The following LRRC51 variants were observed in gnomAD, a reference collection of about 807,000 sequenced individuals.
LRRC51 encodes leucine-rich repeat-containing protein 51.
In LRRC51, 8 loss-of-function variants were observed where a neutral mutation model predicts 17.8. The ratio of observed to expected loss-of-function variants is 0.45; its 90% CI spans 0.26 to 0.81. The LOEUF is 0.81. Ranked by LOEUF, LRRC51 falls within the 30% of genes least tolerant of loss-of-function variation. The pLI is 0.17. For missense variants in LRRC51, 233 were observed against 239.3 expected (o/e 0.97, Z 0.17); for synonymous variants, 92 against 96.0 (o/e 0.96, Z 0.24).
At chr11:72,086,998 G>T (rs1260749605) in intron 1 of LRRC51, among the ~76,000 whole-genome samples, 1 of 152,124 alleles carries the variant, frequency 6.6e-6, no homozygotes, top group African/African-American at 2.4e-5. Flanking sequence ...TGTGTTCTTT[G>T]TTGTCTGCCT....
intron 4 of LRRC51, 134 bp from the exon 5 acceptor site, chr11:72,094,814 G>A (rs1361914751): frequency 1.3e-6 from 2 of 1,524,578 alleles, no homozygotes; most frequent in South Asian, 2.2e-5. Flanking sequence ...CAGTCATACA[G>A]TATGGCTGTG....
In LRRC51 at chr11:72,089,440, CT is replaced by C. The variant is rs1039053729; in HGVS notation, c.82+276del. 27 of 1,371,454 alleles carry C rather than the reference CT, an allele frequency of 2.0e-5. 2 individuals are homozygous for C. Among genetic ancestry groups the C allele is most frequent in the Non-Finnish European group, 2.9e-6 (3 of 1,044,928 alleles). The allele number at this position is 1,371,454 out of a possible 1,614,324, so 85.0% of individuals were successfully genotyped here. A position where few individuals can be genotyped will look rare whatever the true frequency, so the allele number is the denominator to read the frequency against. ...AGCAAATCTGAAAGGAAACAGGGGG[CT>C]ATCACAGTAGTTGATCATCTTTAAA... On this transcript the variant is annotated intron_variant, in intron 3 of 5. Coordinates refer to ENST00000289488, the MANE Select transcript of LRRC51 (RefSeq NM_145309.6).
intron 3 of LRRC51, 51 bp from the exon 4 acceptor site, chr11:72,093,445 C>A: frequency 1.9e-6 from 3 of 1,546,826 alleles, no homozygotes; most frequent in Middle Eastern, 2.2e-4. Context: ...TTCCCACCCC[C>A]TAAAGCCAAA....
chr11:72,094,447 A>C, intron 4 of LRRC51: 1 of 537,718 alleles, frequency 1.9e-6, no homozygotes, highest in South Asian at 2.2e-5. Context: ...CTTTCTGTGA[A>C]CTCAGATTCA....
intron 1 of LRRC51, among the ~76,000 whole-genome samples, chr11:72,082,295 G>A (rs1051247873): frequency 1.3e-5 from 2 of 152,192 alleles, no homozygotes; most frequent in Admixed American, 1.3e-4. Context: ...TTTCTAGCTG[G>A]TGACTAGCTG....
chr11:72,089,952 G>T (rs1282687895), intron 3 of LRRC51, among the ~76,000 whole-genome samples: 1 of 152,212 alleles, frequency 6.6e-6, no homozygotes, highest in Non-Finnish European at 1.5e-5. Context: ...TTTCATTAAA[G>T]CATCAGTCCA....
rs757127630 is a variant in LRRC51 at position 72,089,059 on chromosome 11, G to T, written c.-25G>T. 6.2e-7 allele frequency: 1 copy of T among 1,613,002 alleles called. No individual in the cohort carries two copies. Among genetic ancestry groups the T allele is most frequent in the East Asian group, 2.2e-5 (1 of 44,868 alleles). On this transcript the variant is annotated 5_prime_UTR_variant, in exon 3 of 6. Transcript: ENST00000289488. The stretch of plus-strand genomic sequence containing the variant: ...ACCCAGACTCCCAGGGCACCTGCTT[G>T]CACCTTTGAATGATGGCCTGAACTA...
chr11:72,088,287 T>C lies in LRRC51; in HGVS notation c.-139-10T>C, dbSNP rs190809722. 120 of 692,582 alleles carry C rather than the reference T, an allele frequency of 1.7e-4. No homozygotes were observed. In the East Asian group the frequency reaches 2.9e-3, roughly 17 times the overall value. The allele number at this position is 692,582 out of a possible 1,614,324, so 42.9% of individuals were successfully genotyped here. A position where few individuals can be genotyped will look rare whatever the true frequency, so the allele number is the denominator to read the frequency against. On this transcript the variant is annotated splice_polypyrimidine_tract_variant and intron_variant, in intron 1 of 5. Transcript: ENST00000289488. ...GTGACTGATAACAACATTGTGTTCA[T>C]CCCTGTCAGGGAGTATTTCCATTTT... is the stretch of plus-strand genomic sequence containing the variant.
Position 72,095,439 on chromosome 11 carries a change from A to G in LRRC51, c.498A>G (p.Lys166=). The G allele has an allele frequency of 6.2e-7, 1 of 1,614,122 alleles. No homozygotes were observed. The highest frequency in any genetic ancestry group is 1.1e-5 in the South Asian group (1 of 91,082). The change falls in exon 6 of 6, where the codon AAA becomes AAG. Residue 166 remains lysine (K), a synonymous_variant. Coordinates refer to ENST00000289488, the MANE Select transcript of LRRC51 (RefSeq NM_145309.6). ...CGTTCGACTTCAGTGGGGTCACCAA[A>G]GCAGACCGCACCACAGCTGAAGTCT... ...ITTFDFSGVT[K]ADRTTAEVWK...
rs1199593543 is a variant in LRRC51, at chr11:72,093,636, T to A, written c.223T>A (p.Leu75Met). Residue 75 changes from leucine (L) to methionine (M), a missense_variant, in exon 4 of 6, where the codon TTG (leucine) becomes ATG (methionine). By Grantham distance (15) the Leu-to-Met change is conservative. Transcript: ENST00000289488. ...RDFNQVASQL[L>M]EHPENLAWID... ...CTTCAACCAGGTGGCTTCACAGCTG[T>A]TGGAGCACCCAGAGAACCTGGCCTG... is the stretch of plus-strand genomic sequence containing the variant. The A allele has an allele frequency of 6.2e-7, 1 of 1,614,212 alleles. No homozygotes were observed. The highest frequency in any genetic ancestry group is 2.2e-5 in the East Asian group (1 of 44,890).
In LRRC51 at chr11:72,095,430, G is replaced by A. The variant is rs771272444; in HGVS notation, c.489G>A (p.Gly163=). The change falls in exon 6 of 6, where the codon GGG becomes GGA. Residue 163 remains glycine (G), a synonymous_variant. Coordinates refer to ENST00000289488, the MANE Select transcript of LRRC51 (RefSeq NM_145309.6). ...GTATCACCACGTTCGACTTCAGTGG[G>A]GTCACCAAAGCAGACCGCACCACAG... ...LSRITTFDFS[G]VTKADRTTAE... is the part of the protein sequence containing the mutation. 1.2e-6 allele frequency: 2 copies of A among 1,614,024 alleles called. No individual in the cohort carries two copies. Among genetic ancestry groups the A allele is most frequent in the Admixed American group, 1.7e-5 (1 of 60,008 alleles).
At chr11:72,082,935 G>T (rs777669562) in intron 1 of LRRC51, among the ~76,000 whole-genome samples, 1 of 151,508 alleles carries the variant, frequency 6.6e-6, no homozygotes, top group Non-Finnish European at 1.5e-5. Context: ...GCGCAATCTC[G>T]GCTCACAGCA....
intron 4 of LRRC51, chr11:72,094,717 C>T (rs1945072421): frequency 1.2e-6 from 1 of 823,010 alleles, no homozygotes; most frequent in Non-Finnish European, 2.0e-6. Context: ...AGTGCTGGTA[C>T]CCAGGCCCAC....
chr11:72,095,173 C>A (rs915258110), intron 5 of LRRC51, 77 bp downstream of exon 5: 2 of 1,583,568 alleles, frequency 1.3e-6, no homozygotes, highest in Admixed American at 3.6e-5. Context: ...AAGAAATCTA[C>A]GACCATTCTT....
intron 3 of LRRC51, among the ~76,000 whole-genome samples, chr11:72,090,410 C>T (rs1401711066): frequency 6.6e-6 from 1 of 152,158 alleles, no homozygotes; most frequent in African/African-American, 2.4e-5. Flanking sequence ...CATCACAAAA[C>T]GTAAATGGTA....
At chr11:72,092,998 T>C (rs1337504690) in intron 3 of LRRC51, among the ~76,000 whole-genome samples, 2 of 152,238 alleles carry the variant, frequency 1.3e-5, no homozygotes, top group African/African-American at 2.4e-5. Flanking sequence ...TCATACAAAG[T>C]CTGGAACAGA....
chr11:72,082,854 C>T (rs1360287832), intron 1 of LRRC51, among the ~76,000 whole-genome samples: 1 of 151,894 alleles, frequency 6.6e-6, no homozygotes, highest in Non-Finnish European at 1.5e-5. Flanking sequence ...CACTCTCTAC[C>T]CCACCCCCAA....
intron 1 of LRRC51, chr11:72,086,314 CA>C: frequency 1.5e-6 from 1 of 674,294 alleles, no homozygotes. Context: ...GTGCTCATGA[CA>C]GGGTTCTATT....
rs565638505 is a variant in LRRC51 at position 72,093,781 on chromosome 11, G to T, written c.288+80G>T. On this transcript the variant is annotated intron_variant, in intron 4 of 5. Transcript: ENST00000289488. ...GCCCCCAACCTCTCCACTCCTACAT[G>T]TTATCAAGGAAGTAATGAGGCAGCA... The T allele has an allele frequency of 8.0e-5, 104 of 1,301,124 alleles. No individual in the cohort carries two copies. The African/African-American group carries it at 1.4e-3, about 18-fold the overall frequency. The allele number at this position is 1,301,124 out of a possible 1,614,324, so 80.6% of individuals were successfully genotyped here.
Sources: gnomAD v4.1 joint callset for allele counts (sites outside exome capture counted in the v4.1 genomes callset) on GRCh38, gnomAD v4.1.1 for gene constraint, MANE v1.5 for transcripts, NCBI Gene and HGNC (gene_info 2026-07-23, HGNC 2026-07-21) for gene names.